Variants in KIF14 observed in about 807,000 individuals in gnomAD.
The protein encoded by KIF14 is kinesin family member 14, also known as kinesin-like protein KIF14.
In KIF14, 98 loss-of-function variants were observed where a neutral mutation model predicts 176.2. That is an observed-to-expected ratio of 0.56 (90% CI 0.47 to 0.66). The LOEUF (loss-of-function observed/expected upper bound fraction) is 0.66, where lower values mean the gene tolerates loss of function less well. KIF14 is among the 30% of genes least tolerant of loss of function. The probability of loss-of-function intolerance (pLI) is 0.00; values close to 1 mark genes in which losing one functional copy is unlikely to be tolerated. For missense variants in KIF14, 1,751 were observed against 1,920.4 expected (o/e 0.91, Z 1.65); for synonymous variants, 566 against 632.2 (o/e 0.90, Z 1.57).
intron 14 of KIF14, among the ~76,000 whole-genome samples, chr1:200,595,504 C>T (rs1659284221): frequency 6.6e-6 from 1 of 152,148 alleles, no homozygotes; most frequent in African/African-American, 2.4e-5. Flanking sequence ...AAGAGGCTTC[C>T]AAGTTCCTTA....
chr1:200,618,103 A>C lies in KIF14; in HGVS notation c.621T>G (p.Asn207Lys). 1 of 1,614,026 alleles carries C rather than the reference A, an allele frequency of 6.2e-7. No individual in the cohort carries two copies. The highest frequency in any genetic ancestry group is 1.1e-5 in the South Asian group (1 of 91,072). Reference protein sequence around the residue: ...KETFSAPSRANENVALKYSSN... With the variant: ...KETFSAPSRAKENVALKYSSN... ...TTGAGTACTTAAGTGCAACATTTTC[A>C]TTTGCTCTACTGGGGGCAGAAAATG... The change falls in exon 2 of 30, where the codon AAT becomes AAG. Residue 207 changes from asparagine (N) to lysine (K), a missense_variant. Physicochemically the swap from Asn to Lys is moderately conservative, Grantham distance 94. Transcript: ENST00000367350.
chr1:200,606,705 T>C, intron 6 of KIF14, 41 bp downstream of exon 6: 1 of 1,536,686 alleles, frequency 6.5e-7, no homozygotes, highest in Non-Finnish European at 9.0e-7. Flanking sequence ...ACTCTATTCA[T>C]TTGTTTTATC....
At chr1:200,560,243 A>G (rs1657060846) in intron 26 of KIF14, among the ~76,000 whole-genome samples, 1 of 150,808 alleles carries the variant, frequency 6.6e-6, no homozygotes, top group Non-Finnish European at 1.5e-5. Context: ...AAATAATCCA[A>G]TATATTTAAA....
At chr1:200,598,500 T>G in intron 13 of KIF14, 79 bp from the exon 14 acceptor site, 3 of 936,464 alleles carry the variant, frequency 3.2e-6, no homozygotes, top group Non-Finnish European at 4.7e-6. Context: ...ATGGTCTATA[T>G]TAAACATTAA....
rs1213746748 is a variant in KIF14 at position 200,598,428 on chromosome 1, G to C, written c.2365-7C>G. ...GAAACATAATTCCTGCTTTCTGGTA[G>C]AAGTCAGAAAAAGAAATTAATCTTA... On this transcript the variant is annotated splice_region_variant and splice_polypyrimidine_tract_variant and intron_variant, in intron 13 of 29. Transcript: ENST00000367350. 2.5e-6 allele frequency: 4 copies of C among 1,596,796 alleles called. No individual in the cohort carries two copies. In the South Asian group the frequency reaches 4.6e-5, roughly 18 times the overall value.
Position 200,614,386 on chromosome 1 carries a change from C to T in KIF14, c.1387G>A (p.Glu463Lys), listed in dbSNP as rs201168689. The change falls in exon 4 of 30, where the codon GAA becomes AAA. Residue 463 changes from glutamate to lysine, a missense_variant. Transcript: ENST00000367350. Reference sequence around the variant, plus strand: ...CAAAATCTTGGAATTATTCCTGGTTCTTCACTAAATCCCATCATCCTGAAA... The same window carrying T: ...CAAAATCTTGGAATTATTCCTGGTTTTTCACTAAATCCCATCATCCTGAAA... ...KSYTMMGFSE[E>K]PGIIPRFCED... 51 of 1,600,784 alleles carry T rather than the reference C, an allele frequency of 3.2e-5. No individual in the cohort carries two copies. Among genetic ancestry groups the T allele is most frequent in the Admixed American group, 5.0e-5 (3 of 59,616 alleles).
intron 21 of KIF14, among the ~76,000 whole-genome samples, chr1:200,576,144 T>C (rs1658088126): frequency 1.3e-5 from 2 of 152,140 alleles, no homozygotes; most frequent in Admixed American, 1.3e-4. Context: ...ATAGTACAAT[T>C]ATACAGAAAA....
chr1:200,555,121 A>G (rs10919975), intron 28 of KIF14, among the ~76,000 whole-genome samples: 2,017 of 152,246 alleles, frequency 0.013, 53 homozygotes, highest in African/African-American at 0.045. Context: ...TCCAAGCAAA[A>G]GCTGACAGTT....
At chr1:200,560,622 G>A (rs1657087442) in intron 26 of KIF14, 100 bp downstream of exon 26, 1 of 1,271,984 alleles carries the variant, frequency 7.9e-7, no homozygotes, top group Non-Finnish European at 1.1e-6. Flanking sequence ...AAGCTATTTT[G>A]AAAACTTAAA....
chr1:200,613,580 A>G (rs995179377), intron 4 of KIF14, among the ~76,000 whole-genome samples: 2 of 152,172 alleles, frequency 1.3e-5, no homozygotes, highest in African/African-American at 2.4e-5. Flanking sequence ...AATTTTCCCA[A>G]TTTCCTTTAT....
At position 200,553,280 on chromosome 1, in the gene KIF14, T is replaced by C. The variant is rs1656644643; in HGVS notation, c.*108A>G. On this transcript the variant is annotated 3_prime_UTR_variant, in exon 30 of 30. Transcript: ENST00000367350. ...AAAGATAAAAAGACATGGACTTTTT[T>C]GAAATATCTGTGCTGATTTCTCTTA... 1.8e-5 allele frequency: 21 copies of C among 1,180,378 alleles called. No homozygotes were observed. In the South Asian group the frequency reaches 3.1e-4, roughly 17 times the overall value. The allele number at this position is 1,180,378 out of a possible 1,614,324, so 73.1% of individuals were successfully genotyped here.
chr1:200,618,235 A>G lies in KIF14; in HGVS notation c.489T>C (p.Asn163=). ...NNGVSKESRT[N]VRIVNNAKNS... is the part of the protein sequence containing the mutation. ...TTTTAGCATTATTTACAATCCTTAC[A>G]TTTGTTCTACTTTCCTTAGAAACAC... Residue 163 remains asparagine (N), a synonymous_variant, in exon 2 of 30, where the codon AAT becomes AAC. Coordinates refer to ENST00000367350, the MANE Select transcript of KIF14 (RefSeq NM_014875.3). 1.2e-6 allele frequency: 2 copies of G among 1,613,870 alleles called. No individual in the cohort carries two copies. The highest frequency in any genetic ancestry group is 2.7e-5 in the African/African-American group (2 of 75,048).
intron 14 of KIF14, among the ~76,000 whole-genome samples, chr1:200,594,978 TA>T (rs1187890486): frequency 6.6e-6 from 1 of 152,180 alleles, no homozygotes; most frequent in African/African-American, 2.4e-5. Context: ...TTCCATGGCC[TA>T]CCATTCTGGA....
chr1:200,553,222 C>G lies in KIF14; in HGVS notation c.*166G>C. Reference sequence around the variant, plus strand: ...AAGTGCTGGGATTACAGGCGTGAGCCACTGTGTCTGGCCTTTGATAAATAG... The same window carrying G: ...AAGTGCTGGGATTACAGGCGTGAGCGACTGTGTCTGGCCTTTGATAAATAG... On this transcript the variant is annotated 3_prime_UTR_variant, in exon 30 of 30. Coordinates refer to ENST00000367350, the MANE Select transcript of KIF14 (RefSeq NM_014875.3). 1.4e-6 allele frequency: 1 copy of G among 696,906 alleles called. No individual in the cohort carries two copies. 43.2% of individuals were successfully genotyped at this position (696,906 alleles called of 1,614,324 possible).
intron 26 of KIF14, among the ~76,000 whole-genome samples, chr1:200,560,240 C>T (rs1479209114): frequency 6.6e-6 from 1 of 151,302 alleles, no homozygotes; most frequent in Non-Finnish European, 1.5e-5. Flanking sequence ...GCAAAATAAT[C>T]CAATATATTT....
At chr1:200,568,649 C>T (rs1657600296) in intron 23 of KIF14, among the ~76,000 whole-genome samples, 1 of 152,186 alleles carries the variant, frequency 6.6e-6, no homozygotes, top group Admixed American at 6.5e-5. Context: ...AAAATTTCCA[C>T]CATCCCATCC....
rs764931590 is a variant in KIF14 at position 200,575,573 on chromosome 1, TAAC to T, written c.3566+15_3566+17del. Reference sequence around the variant, plus strand: ...CACACACAAAGTGCAAGAAAACTAGTAACAAAATTGTCTTTACCTCCTTCTAGA... The same window carrying T: ...CACACACAAAGTGCAAGAAAACTAGTAAAATTGTCTTTACCTCCTTCTAGA... On this transcript the variant is annotated intron_variant, in intron 22 of 29. Transcript: ENST00000367350. 1.4e-4 allele frequency: 210 copies of T among 1,491,308 alleles called. 2 individuals carry two copies. In the African/African-American group the frequency reaches 2.5e-3, roughly 18 times the overall value. The allele number at this position is 1,491,308 out of a possible 1,614,324, so 92.4% of individuals were successfully genotyped here.
intron 3 of KIF14, 140 bp downstream of exon 3, chr1:200,615,215 G>A (rs561871932): frequency 1.6e-5 from 14 of 861,292 alleles, no homozygotes; most frequent in Non-Finnish European, 2.3e-5. Flanking sequence ...CAAGTTTGCA[G>A]AACTGGTATA....
chr1:200,561,184 C>A (rs577351981), intron 25 of KIF14, among the ~76,000 whole-genome samples: 1 of 147,972 alleles, frequency 6.8e-6, no homozygotes, highest in South Asian at 2.1e-4. Flanking sequence ...GAGCTGAGAT[C>A]GTGCTACTGC....
Sources: allele counts gnomAD v4.1 joint callset (sites outside exome capture counted in the v4.1 genomes callset), GRCh38; gene constraint gnomAD v4.1.1; transcripts MANE v1.5; gene names NCBI Gene and HGNC (gene_info 2026-07-23, HGNC 2026-07-21).